AHCYL2: variants seen among roughly 807,000 people sequenced by gnomAD.
The protein encoded by AHCYL2 is adenosylhomocysteinase like 2.
In AHCYL2, 28 loss-of-function variants were observed where a neutral mutation model predicts 81.4. The ratio of observed to expected loss-of-function variants is 0.34; its 90% confidence interval spans 0.25 to 0.47. The LOEUF (loss-of-function observed/expected upper bound fraction) is 0.47, where lower values mean the gene tolerates loss of function less well. Ranked by LOEUF, AHCYL2 falls within the 20% of genes least tolerant of loss-of-function variation. AHCYL2 has a pLI of 1.00. For synonymous variants in AHCYL2, 272 were observed against 290.2 expected (o/e 0.94, Z 0.64); for missense variants, 551 against 785.1 (o/e 0.70, Z 3.56).
chr7:129,356,084 G>A (rs968283566), intron 1 of AHCYL2, among the ~76,000 whole-genome samples: 5 of 151,984 alleles, frequency 3.3e-5, no homozygotes, highest in Non-Finnish European at 5.9e-5. Flanking sequence ...CCTTCAACTC[G>A]GCATTCAAAC....
chr7:129,381,978 T>C (rs1421036285), intron 2 of AHCYL2, among the ~76,000 whole-genome samples: 1 of 152,174 alleles, frequency 6.6e-6, no homozygotes, highest in Non-Finnish European at 1.5e-5. Flanking sequence ...TTTTCCCCTT[T>C]GAGTGAATGG....
chr7:129,402,301 G>A (rs578030900), intron 6 of AHCYL2, among the ~76,000 whole-genome samples: 2 of 152,172 alleles, frequency 1.3e-5, no homozygotes, highest in Non-Finnish European at 2.9e-5. Context: ...AGCAAGGTTT[G>A]AGTGAGAGAA....
intron 1 of AHCYL2, among the ~76,000 whole-genome samples, chr7:129,324,259 T>A (rs749353048): frequency 6.6e-6 from 1 of 152,184 alleles, no homozygotes; most frequent in East Asian, 1.9e-4. Context: ...TATCTTTATA[T>A]GTAAAGTAGA....
At chr7:129,261,127 A>T (rs1795622373) in intron 1 of AHCYL2, among the ~76,000 whole-genome samples, 1 of 152,370 alleles carries the variant, frequency 6.6e-6, no homozygotes, top group African/African-American at 2.4e-5. Flanking sequence ...CTTCTAAAAA[A>T]TAAATGCATG....
chr7:129,342,864 C>CGTTATGT (rs1472505038), intron 1 of AHCYL2, among the ~76,000 whole-genome samples: 1 of 152,136 alleles, frequency 6.6e-6, no homozygotes, highest in Non-Finnish European at 1.5e-5. Flanking sequence ...TAATATTACA[C>CGTTATGT]GTTATGTGTT....
intron 1 of AHCYL2, among the ~76,000 whole-genome samples, chr7:129,321,766 G>GTTTTTTTTTTTTTTTTTTTTTTTTTT (rs1315391980): frequency 2.2e-4 from 24 of 107,466 alleles, no homozygotes; most frequent in Non-Finnish European, 3.3e-4. Flanking sequence ...TTTTTTTTTG[G>GTTTTTTTTTTTTTTTTTTTTTTTTTT]TCTTGGTTTT....
At chr7:129,254,003 AAGTGTTTAT>A (rs1207750300) in intron 1 of AHCYL2, among the ~76,000 whole-genome samples, 2 of 152,192 alleles carry the variant, frequency 1.3e-5, no homozygotes, top group African/African-American at 4.8e-5. Context: ...TACTTTAACC[AAGTGTTTAT>A]TTCACAAAAT....
intron 1 of AHCYL2, among the ~76,000 whole-genome samples, chr7:129,325,314 GT>G (rs924806274): frequency 2.0e-5 from 3 of 152,148 alleles, no homozygotes; most frequent in African/African-American, 7.2e-5. Context: ...GGTTAACAGG[GT>G]TTTTTCGTTT....
chr7:129,425,193 A>G, intron 15 of AHCYL2, 52 bp downstream of exon 15: 1 of 1,545,842 alleles, frequency 6.5e-7, no homozygotes, highest in Non-Finnish European at 8.9e-7. Flanking sequence ...TCAGAGTCTG[A>G]GGTTAAAGGA....
At chr7:129,393,547 T>A (rs1220426538) in intron 4 of AHCYL2, among the ~76,000 whole-genome samples, 1 of 152,258 alleles carries the variant, frequency 6.6e-6, no homozygotes, top group African/African-American at 2.4e-5. Context: ...TTGTTTCCTA[T>A]TTTATTTAAT....
chr7:129,341,582 C>T (rs188209106), intron 1 of AHCYL2, among the ~76,000 whole-genome samples: 92 of 152,088 alleles, frequency 6.0e-4, no homozygotes, highest in African/African-American at 2.2e-3. Context: ...GTACCACTTA[C>T]CAGAGAAAGA....
intron 2 of AHCYL2, among the ~76,000 whole-genome samples, chr7:129,387,140 G>A (rs2150901147): frequency 6.6e-6 from 1 of 152,246 alleles, no homozygotes; most frequent in South Asian, 2.1e-4. Flanking sequence ...CTGCTTTATA[G>A]CACACATTAC....
rs143065605 is a variant in AHCYL2, at chr7:129,266,875, C to T, written c.363+41436C>T. ...AAGATGATTAGATGATTTTGTATGA[C>T]TAACCATAGCAATATTTTAACATTT... On this transcript the variant is annotated intron_variant, in intron 1 of 16. Transcript: ENST00000325006. Among the ~76,000 whole-genome samples the T allele has an allele frequency of 2.2e-4, 34 of 151,880 alleles. No individual in the cohort carries two copies. In the East Asian group the frequency reaches 6.4e-3, roughly 28 times the overall value.
rs1157562286 is a variant in AHCYL2, at chr7:129,225,192, G to C, written c.116G>C (p.Gly39Ala). 6.4e-7 allele frequency: 1 copy of C among 1,566,802 alleles called. No homozygotes were observed. The highest frequency in any genetic ancestry group is 8.6e-7 in the Non-Finnish European group (1 of 1,162,010). ...CTAGGACTGAGCACGGCCGCCGTGG[G>C]CGCCATGGCCCCCCCGGCGGGCGGT... ...SQLGLSTAAV[G>A]AMAPPAGGGD... The change falls in exon 1 of 17, where the codon GGC becomes GCC. Residue 39 changes from glycine (G) to alanine (A), a missense_variant. Gly to Ala is a moderately conservative substitution (Grantham distance 60). Transcript: ENST00000325006.
intron 1 of AHCYL2, among the ~76,000 whole-genome samples, chr7:129,316,607 A>T (rs1350541301): frequency 6.6e-6 from 1 of 152,240 alleles, no homozygotes; most frequent in Non-Finnish European, 1.5e-5. Flanking sequence ...GAGACAGGTT[A>T]TGAAGGATTG....
At chr7:129,255,541 A>G (rs563273633) in intron 1 of AHCYL2, among the ~76,000 whole-genome samples, 2 of 152,330 alleles carry the variant, frequency 1.3e-5, no homozygotes, top group Admixed American at 6.5e-5. Context: ...TTTGAACTGC[A>G]TAGACACGTC....
intron 1 of AHCYL2, among the ~76,000 whole-genome samples, chr7:129,237,819 G>A (rs373642661): frequency 1.3e-5 from 2 of 151,988 alleles, no homozygotes; most frequent in Admixed American, 6.6e-5. Flanking sequence ...TCCATCTCCC[G>A]GGTTCAAGCA....
chr7:129,309,783 C>G (rs1407279209), intron 1 of AHCYL2, among the ~76,000 whole-genome samples: 1 of 152,032 alleles, frequency 6.6e-6, no homozygotes, highest in Non-Finnish European at 1.5e-5. Context: ...TTTGAGTTCT[C>G]TTTACCAGTC....
intron 1 of AHCYL2, among the ~76,000 whole-genome samples, chr7:129,339,980 G>GA (rs2150814197): frequency 7.5e-6 from 1 of 133,120 alleles, no homozygotes; most frequent in Admixed American, 9.0e-5. Context: ...GTGCAGTGAC[G>GA]TGATCTCGGC....
Sources: allele counts gnomAD v4.1 joint callset (sites outside exome capture counted in the v4.1 genomes callset), GRCh38; gene constraint gnomAD v4.1.1; transcripts MANE v1.5; gene names NCBI Gene and HGNC (gene_info 2026-07-23, HGNC 2026-07-21).